The following IGFBP2 variants were observed in gnomAD, a reference collection of about 807,000 sequenced individuals.
The protein encoded by IGFBP2 is insulin-like growth factor-binding protein 2.
Under a neutral mutation model 26.2 loss-of-function variants are expected in IGFBP2, and 12 were observed. The ratio of observed to expected loss-of-function variants is 0.46; its 90% CI spans 0.29 to 0.74. The LOEUF (loss-of-function observed/expected upper bound fraction) is 0.74. Among genes scored for constraint, IGFBP2 ranks in the 30% least tolerant of loss-of-function variants. The pLI is 0.09. For missense variants in IGFBP2, 328 were observed against 441.2 expected, an observed-to-expected ratio of 0.74 and a Z score of 2.30; for synonymous variants, 189 against 200.6, an observed-to-expected ratio of 0.94 and a Z score of 0.49.
chr2:216,647,386 A>G (rs1242963989), intron 1 of IGFBP2, among the ~76,000 whole-genome samples: 2 of 152,216 alleles, frequency 1.3e-5, no homozygotes, highest in African/African-American at 4.8e-5. Context: ...AGGACTAAGA[A>G]AATGCACAGA....
At chr2:216,663,475 A>C (rs1177346961) in intron 3 of IGFBP2, 1 of 153,052 alleles carries the variant, frequency 6.5e-6, no homozygotes, top group East Asian at 1.9e-4. Context: ...GTGAGGATTA[A>C]ATGACTATAT....
chr2:216,644,503 G>A (rs61185479), intron 1 of IGFBP2, among the ~76,000 whole-genome samples: 266 of 152,188 alleles, frequency 1.7e-3, no homozygotes, highest in African/African-American at 6.1e-3. Flanking sequence ...TGGTAGGTGG[G>A]GAGGAAGTTG....
rs189069410 is a variant in IGFBP2, at chr2:216,651,551, C to T, written c.443-9006C>T. On this transcript the variant is annotated intron_variant, in intron 1 of 3. Coordinates refer to ENST00000233809, the MANE Select transcript of IGFBP2 (RefSeq NM_000597.3). ...TTGCTTAAGGACTTCTATTAAATGGCAGAGAGCTTTGATATTTAGCAATGT... is the reference window on the plus strand; with the variant it reads ...TTGCTTAAGGACTTCTATTAAATGGTAGAGAGCTTTGATATTTAGCAATGT... Among the ~76,000 whole-genome samples the T allele has an allele frequency of 2.6e-5, 4 of 152,308 alleles. No individual in the cohort carries two copies. The East Asian group carries it at 7.7e-4, about 29-fold the overall frequency.
chr2:216,633,787 G>T lies in IGFBP2; in HGVS notation c.264G>T (p.Ser88=), dbSNP rs919022286. ...GGGAGCCGGGCTGCGGCTGCTGCTCGGTGTGCGCCCGGCTGGAGGGCGAGG... is the reference window on the plus strand; with the variant it reads ...GGGAGCCGGGCTGCGGCTGCTGCTCTGTGTGCGCCCGGCTGGAGGGCGAGG... The part of the protein sequence containing the change: ...LVREPGCGCC[S]VCARLEGEAC... The change falls in exon 1 of 4, where the codon TCG becomes TCT. Residue 88 remains serine (S), a synonymous_variant. Coordinates refer to ENST00000233809, the MANE Select transcript of IGFBP2 (RefSeq NM_000597.3). 1 of 1,418,466 alleles carries T rather than the reference G, an allele frequency of 7.0e-7. No homozygotes were observed. Among genetic ancestry groups the T allele is most frequent in the Admixed American group, 2.8e-5 (1 of 35,930 alleles). The allele number at this position is 1,418,466 out of a possible 1,614,324, so 87.9% of individuals were successfully genotyped here. A position where few individuals can be genotyped will look rare whatever the true frequency, so the allele number is the denominator to read the frequency against.
intron 1 of IGFBP2, among the ~76,000 whole-genome samples, chr2:216,651,590 A>C (rs1473913290): frequency 2.0e-5 from 3 of 152,250 alleles, no homozygotes; most frequent in Non-Finnish European, 1.5e-5. Flanking sequence ...AAATTTGTAC[A>C]ATCAAAACCA....
At position 216,664,032 on chromosome 2, in the gene IGFBP2, G is replaced by A. The variant is rs752513976; in HGVS notation, c.906G>A (p.Gly302=). The A allele has an allele frequency of 1.2e-6, 2 of 1,614,030 alleles. No homozygotes were observed. The highest frequency in any genetic ancestry group is 1.7e-6 in the Non-Finnish European group (2 of 1,179,996). Residue 302 remains glycine (G), a synonymous_variant, in exon 4 of 4, where the codon GGG becomes GGA. Transcript: ENST00000233809. This position sits in a 1 kb window ranked among gnomAD's most constrained non-coding sequence, Gnocchi z 4.6. ...TCCAGGGAGCCCCCACCATCCGGGG[G>A]GACCCCGAGTGTCATCTCTTCTACA... The part of the protein sequence containing the change: ...KLIQGAPTIR[G]DPECHLFYNE...
rs1331295670 is a variant in IGFBP2, at chr2:216,633,433, A to C, written c.-91A>C. 1.0e-5 allele frequency: 2 copies of C among 198,764 alleles called. No homozygotes were observed. Among genetic ancestry groups the C allele is most frequent in the Non-Finnish European group, 1.8e-5 (2 of 109,152 alleles). The allele number at this position is 198,764 out of a possible 1,614,324, so 12.3% of individuals were successfully genotyped here. On this transcript the variant is annotated 5_prime_UTR_variant, in exon 1 of 4. Coordinates refer to ENST00000233809, the MANE Select transcript of IGFBP2 (RefSeq NM_000597.3). ...GCGGCGAGGGAGGAGGAAGAAGCGG[A>C]GGAGGCGGCTCCCGCGCTCGCAGGG...
intron 3 of IGFBP2, chr2:216,662,281 C>T (rs1351328428): frequency 2.1e-6 from 1 of 469,558 alleles, no homozygotes; most frequent in Non-Finnish European, 3.9e-6. Context: ...AGGGAAGTGG[C>T]TTAAACCAAG....
At chr2:216,642,006 T>C (rs1297772621) in intron 1 of IGFBP2, among the ~76,000 whole-genome samples, 1 of 147,676 alleles carries the variant, frequency 6.8e-6, no homozygotes, top group Non-Finnish European at 1.5e-5. Context: ...TACATTTTTT[T>C]TTTTTTTTCG....
chr2:216,649,772 G>C (rs1427860775), intron 1 of IGFBP2, among the ~76,000 whole-genome samples: 1 of 152,162 alleles, frequency 6.6e-6, no homozygotes, highest in African/African-American at 2.4e-5. Flanking sequence ...TGACCCTGAT[G>C]TTTATAAAGG....
rs192669051 is a variant in IGFBP2 at position 216,635,664 on chromosome 2, C to A, written c.442+1699C>A. Among the ~76,000 whole-genome samples, 12 of 151,592 alleles carry A rather than the reference C, an allele frequency of 7.9e-5. 1 individual carries two copies. Among genetic ancestry groups the A allele is most frequent in the Admixed American group, 7.9e-4 (12 of 15,232 alleles). ...ATTCTAAGCCTGAAAACCAATTCTA[C>A]TTCCCAAATCCCTGAAGCCGGTTAG... On this transcript the variant is annotated intron_variant, in intron 1 of 3. Coordinates refer to ENST00000233809, the MANE Select transcript of IGFBP2 (RefSeq NM_000597.3).
intron 1 of IGFBP2, among the ~76,000 whole-genome samples, chr2:216,657,624 A>C (rs866072620): frequency 1.9e-4 from 29 of 151,666 alleles, no homozygotes; most frequent in Admixed American, 7.2e-4. Flanking sequence ...GCTGCTCTCC[A>C]TGTGGAGGAG....
chr2:216,659,669 A>C (rs770225081), intron 1 of IGFBP2: 159 of 1,483,472 alleles, frequency 1.1e-4, no homozygotes, highest in Non-Finnish European at 1.4e-4. Context: ...TAGGCTGTGC[A>C]TACAAAAGGT....
At chr2:216,646,423 T>G (rs115196131) in intron 1 of IGFBP2, among the ~76,000 whole-genome samples, 2,961 of 152,302 alleles carry the variant, frequency 0.019, 75 homozygotes, top group African/African-American at 0.065. Flanking sequence ...CTTTCTTGAC[T>G]CTTAACCACT....
intron 1 of IGFBP2, among the ~76,000 whole-genome samples, chr2:216,656,553 T>G (rs1697927446): frequency 6.6e-6 from 1 of 152,222 alleles, no homozygotes; most frequent in African/African-American, 2.4e-5. Context: ...CATTTTTTGT[T>G]GTTCCAACCT....
At chr2:216,637,991 C>A (rs1354751980) in intron 1 of IGFBP2, among the ~76,000 whole-genome samples, 1 of 152,150 alleles carries the variant, frequency 6.6e-6, no homozygotes, top group Admixed American at 6.5e-5. Context: ...GTTTGGAGAC[C>A]AGCCTGGCCA....
intron 1 of IGFBP2, among the ~76,000 whole-genome samples, chr2:216,641,872 A>T (rs1274621911): frequency 6.7e-6 from 1 of 149,204 alleles, no homozygotes; most frequent in East Asian, 2.0e-4. Context: ...TGTATTTTTT[A>T]GTAGAGACGG....
In IGFBP2 at chr2:216,633,490, G is replaced by A; in HGVS notation, c.-34G>A. 1 of 597,788 alleles carries A rather than the reference G, an allele frequency of 1.7e-6. No homozygotes were observed. Among genetic ancestry groups the A allele is most frequent in the Non-Finnish European group, 2.1e-6 (1 of 473,416 alleles). 37.0% of individuals were successfully genotyped at this position (597,788 alleles called of 1,614,324 possible). ...CACCTGCCCGCCCGCCCGCTCGCTCGCTCGCCCGCCGCGCCGCGCTGCCGA... is the reference window on the plus strand; with the variant it reads ...CACCTGCCCGCCCGCCCGCTCGCTCACTCGCCCGCCGCGCCGCGCTGCCGA... On this transcript the variant is annotated 5_prime_UTR_variant, in exon 1 of 4. Coordinates refer to ENST00000233809, the MANE Select transcript of IGFBP2 (RefSeq NM_000597.3).
intron 1 of IGFBP2, among the ~76,000 whole-genome samples, chr2:216,647,680 T>C (rs985062355): frequency 3.7e-4 from 56 of 152,106 alleles, no homozygotes; most frequent in Admixed American, 1.0e-3. Flanking sequence ...CCACCACGCC[T>C]GGCTAATTTT....
Sources: allele counts gnomAD v4.1 joint callset (sites outside exome capture counted in the v4.1 genomes callset), GRCh38; gene constraint gnomAD v4.1.1; non-coding constraint Gnocchi (gnomAD v3.1); transcripts MANE v1.5; gene names NCBI Gene and HGNC (gene_info 2026-07-23, HGNC 2026-07-21).